Variants in SPATA16 observed in about 807,000 individuals in gnomAD.
The protein encoded by SPATA16 is spermatogenesis-associated protein 16.
A neutral mutation model predicts 63.3 loss-of-function variants in SPATA16; 36 were observed. The observed-to-expected ratio is 0.57, with a 90% confidence interval of 0.44 to 0.75. The LOEUF is 0.75. Among genes scored for constraint, SPATA16 ranks in the 30% least tolerant of loss-of-function variants. The probability of loss-of-function intolerance (pLI) is 0.00; values close to 1 mark genes in which losing one functional copy is unlikely to be tolerated. For missense variants in SPATA16, 646 were observed against 679.3 expected (o/e 0.95, Z 0.54); for synonymous variants, 203 against 216.7 (o/e 0.94, Z 0.56).
chr3:172,938,309 A>G (rs950458227), intron 6 of SPATA16, among the ~76,000 whole-genome samples: 3 of 152,242 alleles, frequency 2.0e-5, no homozygotes, highest in Middle Eastern at 3.2e-3. Flanking sequence ...GTGGTTATTA[A>G]GAAATGGGGT....
intron 4 of SPATA16, among the ~76,000 whole-genome samples, chr3:173,001,440 A>G (rs2108266226): frequency 6.6e-6 from 1 of 152,156 alleles, no homozygotes; most frequent in East Asian, 1.9e-4. Context: ...GCTGTGGTGT[A>G]TTTCAAAATG....
In SPATA16 at chr3:172,960,883, T is replaced by TTCTTTCTC. The variant is rs1553786240; in HGVS notation, c.934-4060_934-4059insGAGAAAGA. ...TAACTTACTTTCTTTCTCTCTTTCT[T>TTCTTTCTC]TCTCTCTCTCCTTCCTTCCTTCCTC... On this transcript the variant is annotated intron_variant, in intron 5 of 10. Transcript: ENST00000351008. 4.4e-4 allele frequency among the ~76,000 whole-genome samples: 65 copies of TTCTTTCTC among 146,628 alleles called. 2 individuals are homozygous for TTCTTTCTC. Among genetic ancestry groups the TTCTTTCTC allele is most frequent in the African/African-American group, 1.6e-3 (60 of 36,896 alleles).
intron 4 of SPATA16, among the ~76,000 whole-genome samples, chr3:172,982,926 T>G (rs564682282): frequency 1.2e-4 from 18 of 151,364 alleles, no homozygotes; most frequent in Non-Finnish European, 2.4e-4. Flanking sequence ...CAATAAGATA[T>G]GGGTAAACAA....
At chr3:172,890,972 TATA>T (rs1731883321) in intron 10 of SPATA16, among the ~76,000 whole-genome samples, 1 of 149,036 alleles carries the variant, frequency 6.7e-6, no homozygotes, top group African/African-American at 2.4e-5. Context: ...CATATATATA[TATA>T]ATATGTGTAT....
intron 2 of SPATA16, among the ~76,000 whole-genome samples, chr3:173,070,092 A>G (rs1377854378): frequency 6.6e-6 from 1 of 152,080 alleles, no homozygotes; most frequent in African/African-American, 2.4e-5. Flanking sequence ...GGCCTGAAAC[A>G]TGACAAAGTT....
chr3:172,900,853 G>A (rs2109546880), intron 10 of SPATA16, among the ~76,000 whole-genome samples: 1 of 152,086 alleles, frequency 6.6e-6, no homozygotes, highest in South Asian at 2.1e-4. Context: ...ATATTGGCCA[G>A]GCTGGTCTCG....
intron 4 of SPATA16, among the ~76,000 whole-genome samples, chr3:173,006,853 AAAG>A (rs1734956513): frequency 6.6e-6 from 1 of 152,212 alleles, no homozygotes; most frequent in African/African-American, 2.4e-5. Flanking sequence ...AAGAAAAAAA[AAAG>A]AAAGAAATAA....
intron 2 of SPATA16, among the ~76,000 whole-genome samples, chr3:173,063,020 C>T (rs1201726796): frequency 6.6e-6 from 1 of 152,186 alleles, no homozygotes. Context: ...CCTAGCAGGC[C>T]ACGATTGGGG....
chr3:172,965,039 C>T (rs1003790952), intron 5 of SPATA16, among the ~76,000 whole-genome samples: 1 of 152,180 alleles, frequency 6.6e-6, no homozygotes, highest in Non-Finnish European at 1.5e-5. Context: ...ACTGATAAAC[C>T]TGAAAAACTC....
At chr3:172,958,498 G>T (rs752006980) in intron 5 of SPATA16, among the ~76,000 whole-genome samples, 7 of 152,212 alleles carry the variant, frequency 4.6e-5, no homozygotes, top group Non-Finnish European at 1.0e-4. Context: ...GTGCAGTGAT[G>T]TGTCAAGGAG....
Position 173,034,101 on chromosome 3 carries a change from T to C in SPATA16, c.759-14526A>G, listed in dbSNP as rs183414392. On this transcript the variant is annotated intron_variant, in intron 3 of 10. Transcript: ENST00000351008. ...TTACTTATGATTCATTCGGCAATAATTTTTGAGTATAAACCATGTTCCAGC... is the reference window on the plus strand; with the variant it reads ...TTACTTATGATTCATTCGGCAATAACTTTTGAGTATAAACCATGTTCCAGC... Among the ~76,000 whole-genome samples, 4 of 152,294 alleles carry C rather than the reference T, an allele frequency of 2.6e-5. No individual in the cohort carries two copies. The East Asian group carries it at 5.8e-4, about 22-fold the overall frequency.
chr3:173,091,519 A>T (rs1260297882), intron 2 of SPATA16, among the ~76,000 whole-genome samples: 2 of 152,108 alleles, frequency 1.3e-5, no homozygotes, highest in Non-Finnish European at 2.9e-5. Context: ...ATTTGCTAAT[A>T]TTTGTTTCCT....
intron 8 of SPATA16, 65 bp from the exon 9 acceptor site, chr3:172,916,546 G>A (rs1417579501): frequency 2.6e-5 from 40 of 1,537,046 alleles, no homozygotes; most frequent in Middle Eastern, 1.7e-4. Context: ...CCCCAGGGCT[G>A]GAAGTCAGGG....
chr3:172,938,752 A>G (rs1028496933), intron 6 of SPATA16, among the ~76,000 whole-genome samples: 1 of 151,974 alleles, frequency 6.6e-6, no homozygotes, highest in African/African-American at 2.4e-5. Flanking sequence ...GAATCACAGA[A>G]AGTTTGGTTC....
chr3:173,056,775 T>A (rs899371988), intron 2 of SPATA16, among the ~76,000 whole-genome samples: 6 of 151,642 alleles, frequency 4.0e-5, no homozygotes, highest in African/African-American at 1.5e-4. Flanking sequence ...TCATTTTTTC[T>A]GTAAATACAT....
At chr3:172,894,516 A>G (rs1731967144) in intron 10 of SPATA16, among the ~76,000 whole-genome samples, 1 of 150,924 alleles carries the variant, frequency 6.6e-6, no homozygotes, top group East Asian at 1.9e-4. Context: ...GCCAAACTAT[A>G]TCACCAACTC....
At chr3:172,925,523 C>T (rs748564972) in intron 6 of SPATA16, 31 bp from the exon 7 acceptor site, 7 of 1,613,532 alleles carry the variant, frequency 4.3e-6, no homozygotes, top group Non-Finnish European at 5.1e-6. Context: ...AACTAAGAGG[C>T]TTTGTTATGG....
chr3:173,104,334 C>A (rs184864079), intron 2 of SPATA16, among the ~76,000 whole-genome samples: 4 of 152,212 alleles, frequency 2.6e-5, no homozygotes, highest in Admixed American at 6.5e-5. Flanking sequence ...TAGCAGTGCC[C>A]GACTCCTCAG....
intron 2 of SPATA16, among the ~76,000 whole-genome samples, chr3:173,115,755 C>A (rs576776870): frequency 6.6e-6 from 1 of 152,286 alleles, no homozygotes; most frequent in Non-Finnish European, 1.5e-5. Context: ...TTCATTATAA[C>A]TGTAGTCATT....
Sources: gnomAD v4.1 joint callset for allele counts (sites outside exome capture counted in the v4.1 genomes callset) on GRCh38, gnomAD v4.1.1 for gene constraint, MANE v1.5 for transcripts, NCBI Gene and HGNC (gene_info 2026-07-23, HGNC 2026-07-21) for gene names.